Variants in PGBD2 observed in about 807,000 individuals in gnomAD.
PGBD2 encodes the protein piggyBac transposable element-derived protein 2.
PGBD2 carries 6 observed loss-of-function variants against 8.1 expected under a neutral mutation model. The observed-to-expected ratio is 0.74, with a 90% CI of 0.40 to 1.46. PGBD2 has a LOEUF of 1.46. Among genes scored for constraint, PGBD2 ranks in the 40% most tolerant of loss-of-function variants. The pLI is 0.02. For missense variants in PGBD2, 802 were observed against 739.0 expected (o/e 1.09, Z -0.99); for synonymous variants, 318 against 272.2 (o/e 1.17, Z -1.66).
chr1:248,877,678 C>G, the PGBD2 span, among the ~76,000 whole-genome samples: 1 of 152,126 alleles, frequency 6.6e-6, no homozygotes, highest in Non-Finnish European at 1.5e-5. Context: ...AAATAGTTCT[C>G]TCTGGAATTT....
chr1:248,904,601 T>G (rs1229740514), upstream of PGBD2, among the ~76,000 whole-genome samples: 1 of 152,224 alleles, frequency 6.6e-6, no homozygotes, highest in African/African-American at 2.4e-5. Context: ...TTCTTTGACT[T>G]TCTTTTGTCT....
At chr1:248,878,457 G>A in the PGBD2 span, among the ~76,000 whole-genome samples, 2 of 152,172 alleles carry the variant, frequency 1.3e-5, no homozygotes, top group Admixed American at 1.3e-4. Context: ...GATAACAGGC[G>A]TGAGCCACCG....
the PGBD2 span, among the ~76,000 whole-genome samples, chr1:248,875,111 C>G: frequency 6.6e-6 from 1 of 151,876 alleles, no homozygotes. Context: ...TCCCGGCTGA[C>G]AGGGTGAAAC....
the PGBD2 span, among the ~76,000 whole-genome samples, chr1:248,878,798 T>A: frequency 6.6e-6 from 1 of 152,216 alleles, no homozygotes; most frequent in African/African-American, 2.4e-5. Context: ...CTGCCCAATT[T>A]TCTATGGCTA....
chr1:248,918,202 C>A lies in PGBD2; in HGVS notation c.1618C>A (p.Arg540=). Residue 540 remains arginine, a synonymous_variant, in exon 3 of 3, where the codon CGG becomes AGG. Coordinates refer to ENST00000329291, the MANE Select transcript of PGBD2 (RefSeq NM_170725.3). The part of the protein sequence containing the change: ...DTTSQGRRSR[R]LETESRFDMI... ...AACATCTCAAGGGAGGCGAAGCAGG[C>A]GGTTGGAGACTGAGAGCCGCTTCGA... The A allele has an allele frequency of 6.2e-7, 1 of 1,614,148 alleles. No individual in the cohort carries two copies. Among genetic ancestry groups the A allele is most frequent in the Non-Finnish European group, 8.5e-7 (1 of 1,180,038 alleles).
chr1:248,912,407 C>A (rs1207641741), intron 1 of PGBD2, among the ~76,000 whole-genome samples: 1 of 152,170 alleles, frequency 6.6e-6, no homozygotes, highest in African/African-American at 2.4e-5. Context: ...CATCGCTGGG[C>A]AAGTCACTTC....
intron 2 of PGBD2, among the ~76,000 whole-genome samples, chr1:248,915,837 T>C (rs1662079570): frequency 6.6e-6 from 1 of 152,146 alleles, no homozygotes; most frequent in Non-Finnish European, 1.5e-5. Context: ...ATTTGGGGAA[T>C]GAGGGAAACT....
intron 1 of PGBD2, among the ~76,000 whole-genome samples, chr1:248,912,257 G>T (rs769906663): frequency 6.6e-6 from 1 of 152,126 alleles, no homozygotes; most frequent in African/African-American, 2.4e-5. Context: ...CAGTATTACT[G>T]CATTTTATCA....
chr1:248,904,400 A>G (rs1054901655), upstream of PGBD2, among the ~76,000 whole-genome samples: 2 of 152,192 alleles, frequency 1.3e-5, no homozygotes, highest in African/African-American at 4.8e-5. Flanking sequence ...AATGCACTGA[A>G]AATGTCTAGA....
chr1:248,908,729 C>T (rs1404189000), intron 1 of PGBD2, among the ~76,000 whole-genome samples: 1 of 151,628 alleles, frequency 6.6e-6, no homozygotes, highest in African/African-American at 2.4e-5. Flanking sequence ...AAAGACAGGC[C>T]TCCTTAACAG....
the PGBD2 span, among the ~76,000 whole-genome samples, chr1:248,891,027 C>T: frequency 8.5e-4 from 130 of 152,206 alleles, no homozygotes; most frequent in South Asian, 3.3e-3. Context: ...ACAATATACA[C>T]GCAGGCATGC....
At position 248,917,932 on chromosome 1, in the gene PGBD2, C is replaced by T. The variant is rs763553975; in HGVS notation, c.1348C>T (p.Pro450Ser). 7 of 1,614,136 alleles carry T rather than the reference C, an allele frequency of 4.3e-6. No homozygotes were observed. In the Middle Eastern group the frequency reaches 8.2e-4, roughly 190 times the overall value. Residue 450 changes from proline to serine, a missense_variant, in exon 3 of 3, where the codon CCA becomes TCA. By Grantham distance (74) the Pro-to-Ser change is moderately conservative (BLOSUM62 -1). Coordinates refer to ENST00000329291, the MANE Select transcript of PGBD2 (RefSeq NM_170725.3). ...TAAAACGCGGACTCAGGTCCACCAG[C>T]CATCACTGGTGAAGCTGTATCAGGA... ...AAKTRTQVHQ[P>S]SLVKLYQEKV...
downstream of PGBD2, among the ~76,000 whole-genome samples, chr1:248,920,270 G>A (rs1048012686): frequency 6.6e-5 from 10 of 152,040 alleles, no homozygotes; most frequent in African/African-American, 2.2e-4. Flanking sequence ...CCTACATTAG[G>A]TATTTGTCCT....
At chr1:248,895,549 A>AT in the PGBD2 span, among the ~76,000 whole-genome samples, 42 of 150,712 alleles carry the variant, frequency 2.8e-4, no homozygotes, top group South Asian at 2.1e-4. Context: ...CTTGCAGGGT[A>AT]TTTTTTTTTC....
intron 1 of PGBD2, among the ~76,000 whole-genome samples, chr1:248,911,053 G>A (rs1367998586): frequency 6.6e-6 from 1 of 151,744 alleles, no homozygotes; most frequent in Admixed American, 6.6e-5. Flanking sequence ...CCCATCTCGA[G>A]CACCCACGAA....
Position 248,917,491 on chromosome 1 carries a change from A to C in PGBD2, c.907A>C (p.Arg303=). The C allele has an allele frequency of 6.2e-7, 1 of 1,614,212 alleles. No individual in the cohort carries two copies. The stretch of plus-strand genomic sequence containing the variant: ...CAAGATTTGGTGTGGGACAACCAGC[A>C]GAGGCTACTTGGTGTGGTTTGAGCC... ...GYKIWCGTTS[R]GYLVWFEPSQ... is the part of the protein sequence containing the mutation. The change falls in exon 3 of 3, where the codon AGA becomes CGA. Residue 303 remains arginine, a synonymous_variant. Transcript: ENST00000329291.
Position 248,917,754 on chromosome 1 carries a change from G to T in PGBD2, c.1170G>T (p.Leu390=). The change falls in exon 3 of 3, where the codon CTG becomes CTT. Residue 390 remains leucine (L), a synonymous_variant. Coordinates refer to ENST00000329291, the MANE Select transcript of PGBD2 (RefSeq NM_170725.3). ...GTCCCCTAAAAGACCCCAAAGAACT[G>T]AAAAAAATGAAGAGGGGTTCATTTG... ...ERCPLKDPKE[L]KKMKRGSFDY... The T allele has an allele frequency of 6.2e-7, 1 of 1,613,990 alleles. No homozygotes were observed. Among genetic ancestry groups the T allele is most frequent in the African/African-American group, 1.3e-5 (1 of 75,054 alleles).
At chr1:248,908,613 C>G (rs935791706) in intron 1 of PGBD2, among the ~76,000 whole-genome samples, 4 of 152,096 alleles carry the variant, frequency 2.6e-5, no homozygotes, top group Non-Finnish European at 5.9e-5. Context: ...GGCCTGCATA[C>G]TCAGTTGTCC....
chr1:248,912,586 A>G (rs998107521), intron 1 of PGBD2: 1 of 152,194 alleles, frequency 6.6e-6, no homozygotes, highest in Non-Finnish European at 1.5e-5. Flanking sequence ...AAAATATTTC[A>G]AACATACAGA....
Sources: gnomAD v4.1 joint callset for allele counts (sites outside exome capture counted in the v4.1 genomes callset) on GRCh38, gnomAD v4.1.1 for gene constraint, MANE v1.5 for transcripts, NCBI Gene and HGNC (gene_info 2026-07-23, HGNC 2026-07-21) for gene names.